The following EEF2K variants were observed in gnomAD, a reference collection of about 807,000 sequenced individuals.
EEF2K encodes the protein alternative protein EEF2K.
A neutral mutation model predicts 93.8 loss-of-function variants in EEF2K; 70 were observed. The observed-to-expected ratio is 0.75, with a 90% CI of 0.62 to 0.91. The LOEUF (loss-of-function observed/expected upper bound fraction) is 0.91. Ranked by LOEUF, EEF2K falls within the 40% of genes least tolerant of loss-of-function variation. EEF2K has a pLI of 0.00. For missense variants in EEF2K, 935 were observed against 972.9 expected (o/e 0.96, Z 0.52); for synonymous variants, 376 against 380.8 (o/e 0.99, Z 0.15).
At chr16:22,250,078 A>T (rs1310733582) in intron 4 of EEF2K, among the ~76,000 whole-genome samples, 1 of 151,858 alleles carries the variant, frequency 6.6e-6, no homozygotes, top group African/African-American at 2.4e-5. Flanking sequence ...CACTGTGCCC[A>T]GCCTTAAAAT....
At position 22,218,891 on chromosome 16, in the gene EEF2K, C is replaced by T. The variant is rs757838728; in HGVS notation, c.-76-6763C>T. Among the ~76,000 whole-genome samples the T allele has an allele frequency of 6.1e-4, 86 of 141,038 alleles. 1 individual carries two copies. Among genetic ancestry groups the T allele is most frequent in the Non-Finnish European group, 9.1e-4 (60 of 66,210 alleles). 92.5% of individuals were successfully genotyped at this position (141,038 alleles called of 152,430 possible). ...TTTAATCCCCAGCACGTTGGAAGGC[C>T]GAAGAGGGTGGATCACTTGAGGGCA... is the stretch of plus-strand genomic sequence containing the variant. On this transcript the variant is annotated intron_variant, in intron 1 of 17. Coordinates refer to ENST00000263026, the MANE Select transcript of EEF2K (RefSeq NM_013302.5).
chr16:22,248,869 G>A, intron 4 of EEF2K, 54 bp downstream of exon 4: 1 of 1,587,336 alleles, frequency 6.3e-7, no homozygotes. Context: ...ACTTTCTGCA[G>A]CTAACTTTGG....
At chr16:22,248,225 C>T (rs1364670863) in intron 3 of EEF2K, among the ~76,000 whole-genome samples, 3 of 151,804 alleles carry the variant, frequency 2.0e-5, no homozygotes, top group Non-Finnish European at 4.4e-5. Context: ...CCACCATGCT[C>T]GGCTAATTTT....
chr16:22,263,284 G>A, intron 12 of EEF2K, 97 bp downstream of exon 12: 1 of 1,148,428 alleles, frequency 8.7e-7, no homozygotes, highest in East Asian at 2.8e-5. Flanking sequence ...GAATATGAGT[G>A]GGTCCTGAGA....
intron 16 of EEF2K, among the ~76,000 whole-genome samples, chr16:22,279,811 G>A (rs1202360999): frequency 6.6e-6 from 1 of 151,990 alleles, no homozygotes; most frequent in Non-Finnish European, 1.5e-5. Context: ...CCTGGCCAAC[G>A]TGGTGAAATG....
At chr16:22,270,462 T>C (rs770443529) in intron 15 of EEF2K, among the ~76,000 whole-genome samples, 2 of 151,880 alleles carry the variant, frequency 1.3e-5, no homozygotes, top group Non-Finnish European at 2.9e-5. Context: ...GGTTTCGTCA[T>C]GTTGTTCTCA....
At chr16:22,260,325 C>CT in intron 10 of EEF2K, 137 bp from the exon 11 acceptor site, 1 of 794,636 alleles carries the variant, frequency 1.3e-6, no homozygotes. Context: ...CATTCTTCTC[C>CT]TTTTTTGTGC....
chr16:22,259,532 G>C (rs2047441723), intron 10 of EEF2K, among the ~76,000 whole-genome samples: 1 of 152,158 alleles, frequency 6.6e-6, no homozygotes, highest in African/African-American at 2.4e-5. Flanking sequence ...AGGTCATTCA[G>C]TCTCTGCATT....
intron 16 of EEF2K, among the ~76,000 whole-genome samples, chr16:22,278,221 G>A (rs1370256348): frequency 6.6e-6 from 1 of 151,982 alleles, no homozygotes; most frequent in Admixed American, 6.6e-5. Context: ...AAAGAAAAAA[G>A]AGAGAGCAAA....
At chr16:22,276,829 C>T (rs1016278818) in intron 16 of EEF2K, among the ~76,000 whole-genome samples, 1 of 151,988 alleles carries the variant, frequency 6.6e-6, no homozygotes, top group Non-Finnish European at 1.5e-5. Context: ...GAGGCTGAGG[C>T]GGGTGGATCA....
chr16:22,225,617 C>T, intron 1 of EEF2K, 37 bp from the exon 2 acceptor site: 3 of 1,500,932 alleles, frequency 2.0e-6, no homozygotes, highest in South Asian at 1.3e-5. Flanking sequence ...AGCCCTGGGC[C>T]CCAGCACCCA....
At chr16:22,228,717 C>T (rs1046564682) in intron 2 of EEF2K, among the ~76,000 whole-genome samples, 2 of 152,134 alleles carry the variant, frequency 1.3e-5, no homozygotes, top group African/African-American at 4.8e-5. Context: ...TCTGAGAAAA[C>T]ATATAATTTA....
chr16:22,242,974 G>T (rs1318290275), intron 2 of EEF2K, among the ~76,000 whole-genome samples: 1 of 151,770 alleles, frequency 6.6e-6, no homozygotes, highest in Non-Finnish European at 1.5e-5. Context: ...TGGGGTCCTA[G>T]CTACTCAGGA....
At position 22,272,544 on chromosome 16, in the gene EEF2K, AGG is replaced by A. The variant is rs947199576; in HGVS notation, c.1765-1079_1765-1078del. Among the ~76,000 whole-genome samples, 20 of 152,308 alleles carry A rather than the reference AGG, an allele frequency of 1.3e-4. No individual in the cohort carries two copies. The East Asian group carries it at 3.9e-3, about 29-fold the overall frequency. ...TAGTGCTGAGCAGGATGAGGAGAGTAGGGGTAGAGGGAGATTGACAGTTAAGC... is the reference window on the plus strand; with the variant it reads ...TAGTGCTGAGCAGGATGAGGAGAGTAGGTAGAGGGAGATTGACAGTTAAGC... On this transcript the variant is annotated intron_variant, in intron 15 of 17. Coordinates refer to ENST00000263026, the MANE Select transcript of EEF2K (RefSeq NM_013302.5).
At chr16:22,223,262 GTT>G (rs58446693) in intron 1 of EEF2K, among the ~76,000 whole-genome samples, 36 of 107,410 alleles carry the variant, frequency 3.4e-4, no homozygotes, top group African/African-American at 5.5e-4. Context: ...GTTTTTTTCT[GTT>G]TTTTTTTTTT....
chr16:22,230,110 C>G (rs892829405), intron 2 of EEF2K, among the ~76,000 whole-genome samples: 3 of 152,156 alleles, frequency 2.0e-5, no homozygotes, highest in Admixed American at 6.5e-5. Flanking sequence ...GAACACCCAC[C>G]CCGAGGAGGA....
intron 16 of EEF2K, among the ~76,000 whole-genome samples, chr16:22,276,741 ATCTAG>A (rs1218188459): frequency 6.6e-6 from 1 of 152,168 alleles, no homozygotes; most frequent in African/African-American, 2.4e-5. Context: ...GAGATAAACA[ATCTAG>A]TCTAGTGTCT....
intron 17 of EEF2K, 122 bp from the exon 18 acceptor site, chr16:22,283,765 G>C: frequency 1.1e-6 from 1 of 899,282 alleles, no homozygotes. Flanking sequence ...GAGGGCACAC[G>C]GAGTAGTTTG....
intron 3 of EEF2K, among the ~76,000 whole-genome samples, 193 bp downstream of exon 3, chr16:22,244,923 A>T (rs1399828502): frequency 6.6e-6 from 1 of 152,142 alleles, no homozygotes; most frequent in Non-Finnish European, 1.5e-5. Flanking sequence ...GGTTCTCACA[A>T]GGTACCTATT....
Sources: allele counts gnomAD v4.1 joint callset (sites outside exome capture counted in the v4.1 genomes callset), GRCh38; gene constraint gnomAD v4.1.1; transcripts MANE v1.5; gene names NCBI Gene and HGNC (gene_info 2026-07-23, HGNC 2026-07-21).